Variants in SEMA5A observed in about 807,000 individuals in gnomAD.
SEMA5A encodes semaphorin-5A.
A neutral mutation model predicts 135.5 loss-of-function variants in SEMA5A; 55 were observed. The observed-to-expected ratio is 0.41, with a 90% CI of 0.33 to 0.51. The LOEUF (loss-of-function observed/expected upper bound fraction) is 0.51. SEMA5A is among the 20% of genes least tolerant of loss of function. SEMA5A has a pLI of 0.37. For synonymous variants in SEMA5A, 580 were observed against 546.5 expected, an observed-to-expected ratio of 1.06 and a Z score of -0.85; for missense variants, 1,290 against 1,419.9, an observed-to-expected ratio of 0.91 and a Z score of 1.47.
chr5:9,374,939 G>A (rs1171716105), intron 3 of SEMA5A, among the ~76,000 whole-genome samples: 1 of 152,012 alleles, frequency 6.6e-6, no homozygotes, highest in Non-Finnish European at 1.5e-5. Context: ...CGGGGTCTCT[G>A]CTTAAACAAT....
chr5:9,099,706 A>G (rs916376810), intron 16 of SEMA5A, among the ~76,000 whole-genome samples: 1 of 152,232 alleles, frequency 6.6e-6, no homozygotes, highest in African/African-American at 2.4e-5. Context: ...CAAAGCAGTT[A>G]GAATGATTTT....
intron 5 of SEMA5A, among the ~76,000 whole-genome samples, chr5:9,312,168 G>T (rs1016996534): frequency 6.6e-6 from 1 of 151,920 alleles, no homozygotes; most frequent in Non-Finnish European, 1.5e-5. Flanking sequence ...TTTTCAAAAA[G>T]CTTTGTTCTT....
At chr5:9,256,941 A>C (rs1805948) in intron 5 of SEMA5A, among the ~76,000 whole-genome samples, 1 of 152,078 alleles carries the variant, frequency 6.6e-6, no homozygotes, top group African/African-American at 2.4e-5. Context: ...TTGCATATCT[A>C]TGTGATGTGA....
At chr5:9,439,711 GGAA>G (rs1758163851) in intron 1 of SEMA5A, among the ~76,000 whole-genome samples, 1 of 152,184 alleles carries the variant, frequency 6.6e-6, no homozygotes, top group Non-Finnish European at 1.5e-5. Flanking sequence ...AAATACTGCA[GGAA>G]GAAGACATCC....
intron 15 of SEMA5A, among the ~76,000 whole-genome samples, chr5:9,108,851 C>G (rs913969765): frequency 2.0e-5 from 3 of 151,864 alleles, no homozygotes; most frequent in Non-Finnish European, 4.4e-5. Context: ...AGAAGAATGC[C>G]AAACAATTTA....
chr5:9,424,710 C>T (rs1757583196), intron 2 of SEMA5A, among the ~76,000 whole-genome samples: 1 of 152,320 alleles, frequency 6.6e-6, no homozygotes, highest in East Asian at 1.9e-4. Flanking sequence ...CACTCACTTA[C>T]TGAGGTCCAA....
chr5:9,340,921 C>T (rs1753619535), intron 3 of SEMA5A, among the ~76,000 whole-genome samples: 1 of 152,078 alleles, frequency 6.6e-6, no homozygotes, highest in South Asian at 2.1e-4. Context: ...AGAGAAAAGG[C>T]ACTCAATCCT....
chr5:9,495,218 C>A (rs1735239116), intron 1 of SEMA5A, among the ~76,000 whole-genome samples: 1 of 152,158 alleles, frequency 6.6e-6, no homozygotes, highest in Non-Finnish European at 1.5e-5. Context: ...TGAGTAATTA[C>A]CCAGGCAGTG....
intron 5 of SEMA5A, among the ~76,000 whole-genome samples, chr5:9,255,268 G>T (rs1362520658): frequency 6.6e-6 from 1 of 152,154 alleles, no homozygotes; most frequent in Non-Finnish European, 1.5e-5. Context: ...GAAAGGAATG[G>T]AACAAGAAGT....
At chr5:9,501,795 T>C (rs978506508) in intron 1 of SEMA5A, among the ~76,000 whole-genome samples, 1 of 152,218 alleles carries the variant, frequency 6.6e-6, no homozygotes, top group African/African-American at 2.4e-5. Flanking sequence ...ACATAGCTGT[T>C]ACATGACAAA....
chr5:9,077,688 G>A (rs1174619583), intron 16 of SEMA5A, among the ~76,000 whole-genome samples: 1 of 152,170 alleles, frequency 6.6e-6, no homozygotes, highest in Non-Finnish European at 1.5e-5. Flanking sequence ...GGATGGATGC[G>A]ACTTCAGGTC....
At chr5:9,132,142 G>C (rs570734981) in intron 13 of SEMA5A, among the ~76,000 whole-genome samples, 6 of 152,274 alleles carry the variant, frequency 3.9e-5, no homozygotes, top group African/African-American at 1.4e-4. Context: ...CCTGTCATCT[G>C]TACTATAGAA....
At chr5:9,270,034 C>A (rs1032540763) in intron 5 of SEMA5A, among the ~76,000 whole-genome samples, 2 of 152,014 alleles carry the variant, frequency 1.3e-5, no homozygotes, top group Admixed American at 6.6e-5. Context: ...GCTCACTGTG[C>A]CTCAATTATT....
intron 2 of SEMA5A, among the ~76,000 whole-genome samples, chr5:9,427,697 G>A (rs1406024986): frequency 6.6e-6 from 1 of 152,184 alleles, no homozygotes; most frequent in Admixed American, 6.5e-5. Context: ...CTGTGCGTGT[G>A]TGTATCCACA....
At chr5:9,340,604 C>A (rs184450622) in intron 3 of SEMA5A, among the ~76,000 whole-genome samples, 2 of 152,142 alleles carry the variant, frequency 1.3e-5, no homozygotes, top group East Asian at 3.9e-4. Context: ...GAGTCATGTA[C>A]AGAGGAAAAA....
chr5:9,114,445 G>A (rs1211977631), intron 15 of SEMA5A, among the ~76,000 whole-genome samples: 1 of 152,194 alleles, frequency 6.6e-6, no homozygotes, highest in African/African-American at 2.4e-5. Flanking sequence ...AAATGATTAA[G>A]TGGCAAATTT....
rs555443494 is a variant in SEMA5A, at chr5:9,164,249, A to T, written c.1274-9554T>A. 2.2e-3 allele frequency among the ~76,000 whole-genome samples: 323 copies of T among 144,272 alleles called. 2 individuals carry two copies. The highest frequency in any genetic ancestry group is 4.0e-3 in the Non-Finnish European group (265 of 66,284). The allele number at this position is 144,272 out of a possible 152,430, so 94.6% of individuals were successfully genotyped here. On this transcript the variant is annotated intron_variant, in intron 11 of 22. Coordinates refer to ENST00000382496, the MANE Select transcript of SEMA5A (RefSeq NM_003966.3). The stretch of plus-strand genomic sequence containing the variant: ...TAGCATATAAATATTTATATAATTT[A>T]TACAATTATAAATATATGATATAAA...
intron 3 of SEMA5A, among the ~76,000 whole-genome samples, chr5:9,359,713 G>C (rs1754607011): frequency 6.6e-6 from 1 of 152,028 alleles, no homozygotes. Context: ...ACTCCATGTT[G>C]GCTTGTTAGG....
At chr5:9,459,353 T>C (rs1428647190) in intron 1 of SEMA5A, among the ~76,000 whole-genome samples, 1 of 152,210 alleles carries the variant, frequency 6.6e-6, no homozygotes, top group Admixed American at 6.5e-5. Context: ...TTATATAAAA[T>C]TGCAGCACCC....
Sources: allele counts gnomAD v4.1 joint callset (sites outside exome capture counted in the v4.1 genomes callset), GRCh38; gene constraint gnomAD v4.1.1; transcripts MANE v1.5; gene names NCBI Gene and HGNC (gene_info 2026-07-23, HGNC 2026-07-21).